RAD18: variants seen among roughly 807,000 people sequenced by gnomAD.
RAD18 encodes E3 ubiquitin-protein ligase RAD18.
A neutral mutation model predicts 60.4 loss-of-function variants in RAD18; 47 were observed. That is an observed-to-expected ratio of 0.78 (90% CI 0.62 to 0.99). The LOEUF is 0.99. RAD18 is among the 50% of genes least tolerant of loss of function. The pLI is 0.00. For missense variants in RAD18, 640 were observed against 593.3 expected, an observed-to-expected ratio of 1.08 and a Z score of -0.82; for synonymous variants, 225 against 195.5, an observed-to-expected ratio of 1.15 and a Z score of -1.26.
At position 8,941,508 on chromosome 3, in the gene RAD18, G is replaced by A; in HGVS notation, c.563C>T (p.Pro188Leu). Reference protein sequence around the residue: ...IAPDPSEAKRPEPPSTSTLKQ... With the variant: ...IAPDPSEAKRLEPPSTSTLKQ... ...CAAAGTGGATGTCGAGGGTGGCTCA[G>A]GACGCTTAGCCTCTGAGGGATCTGG... The change falls in exon 5 of 13, where the codon CCT becomes CTT. Residue 188 changes from proline (P) to leucine (L), a missense_variant. Physicochemically the swap from Pro to Leu is moderately conservative, Grantham distance 98. Coordinates refer to ENST00000264926, the MANE Select transcript of RAD18 (RefSeq NM_020165.4). 3.1e-6 allele frequency: 5 copies of A among 1,613,662 alleles called. No homozygotes were observed. Among genetic ancestry groups the A allele is most frequent in the Non-Finnish European group, 4.2e-6 (5 of 1,179,758 alleles).
intron 7 of RAD18, among the ~76,000 whole-genome samples, chr3:8,921,077 G>A (rs673580): frequency 0.69 from 104,607 of 152,028 alleles, 36,569 homozygotes; most frequent in Middle Eastern, 0.77. Context: ...TTATTTTCAG[G>A]CAGTTAAAGA....
chr3:8,938,260 T>C (rs975047876), intron 6 of RAD18, among the ~76,000 whole-genome samples: 1 of 152,210 alleles, frequency 6.6e-6, no homozygotes, highest in African/African-American at 2.4e-5. Flanking sequence ...GACTCAAGTA[T>C]GTCTACCTTA....
At chr3:8,943,475 G>C (rs563584612) in intron 4 of RAD18, among the ~76,000 whole-genome samples, 31 of 151,954 alleles carry the variant, frequency 2.0e-4, no homozygotes, top group African/African-American at 7.2e-4. Context: ...CAAACTTGAA[G>C]GCAGGTCAAT....
intron 2 of RAD18, among the ~76,000 whole-genome samples, chr3:8,957,528 A>C (rs1462380839): frequency 6.6e-6 from 1 of 152,198 alleles, no homozygotes; most frequent in Non-Finnish European, 1.5e-5. Flanking sequence ...TATTTACTGC[A>C]ATAGGGGTTA....
chr3:8,936,794 C>T (rs1296421661), intron 6 of RAD18, among the ~76,000 whole-genome samples: 2 of 152,180 alleles, frequency 1.3e-5, no homozygotes, highest in Non-Finnish European at 2.9e-5. Flanking sequence ...ATTTAAAACG[C>T]AGATTCTCCA....
chr3:8,932,433 A>C (rs900991284), intron 7 of RAD18, among the ~76,000 whole-genome samples: 1 of 152,222 alleles, frequency 6.6e-6, no homozygotes, highest in Non-Finnish European at 1.5e-5. Context: ...AGTCACAGGA[A>C]AATGCAAATT....
chr3:8,930,612 T>C (rs1189237135), intron 7 of RAD18, among the ~76,000 whole-genome samples: 1 of 152,106 alleles, frequency 6.6e-6, no homozygotes, highest in Non-Finnish European at 1.5e-5. Context: ...ATAAATCATA[T>C]CACAAAATAA....
Position 8,948,498 on chromosome 3 carries a change from CA to C in RAD18, c.195+10del. On this transcript the variant is annotated intron_variant, in intron 3 of 12. Transcript: ENST00000264926. ...GTCAGTAAGTTTTAAAAAAAGGAAA[CA>C]AAAACTCACCACACAGCAAGTTGGA... 6.2e-7 allele frequency: 1 copy of C among 1,607,420 alleles called. No individual in the cohort carries two copies. Among genetic ancestry groups the C allele is most frequent in the Non-Finnish European group, 8.5e-7 (1 of 1,175,216 alleles).
chr3:8,918,641 G>A (rs976657056), intron 7 of RAD18, among the ~76,000 whole-genome samples: 1 of 152,044 alleles, frequency 6.6e-6, no homozygotes, highest in East Asian at 1.9e-4. Context: ...CTATGCTCTG[G>A]AGAAGTCCAG....
At chr3:8,945,376 C>T (rs1375329318) in intron 4 of RAD18, among the ~76,000 whole-genome samples, 1 of 151,434 alleles carries the variant, frequency 6.6e-6, no homozygotes, top group Non-Finnish European at 1.5e-5. Flanking sequence ...TTTCATTAGA[C>T]GATAATGGAG....
chr3:8,885,750 G>A (rs1939550375), intron 12 of RAD18, among the ~76,000 whole-genome samples: 1 of 152,198 alleles, frequency 6.6e-6, no homozygotes, highest in African/African-American at 2.4e-5. Flanking sequence ...CATAAAGGGG[G>A]ATCCTAATGC....
chr3:8,909,569 T>C (rs1220951343), intron 9 of RAD18, among the ~76,000 whole-genome samples: 2 of 151,476 alleles, frequency 1.3e-5, no homozygotes, highest in Non-Finnish European at 2.9e-5. Context: ...GGCAAGCTAG[T>C]TATTAGCAAC....
At chr3:8,922,320 C>G (rs551114169) in intron 7 of RAD18, among the ~76,000 whole-genome samples, 3 of 152,322 alleles carry the variant, frequency 2.0e-5, no homozygotes, top group South Asian at 4.1e-4. Flanking sequence ...GGTCCTACGC[C>G]CACAGAGCCT....
chr3:8,921,242 T>C (rs746063188), intron 7 of RAD18, among the ~76,000 whole-genome samples: 2 of 152,214 alleles, frequency 1.3e-5, no homozygotes, highest in Non-Finnish European at 2.9e-5. Context: ...ATGATAGTCT[T>C]TCAACTTTCC....
intron 11 of RAD18, among the ~76,000 whole-genome samples, chr3:8,891,178 G>A (rs957217516): frequency 7.9e-5 from 12 of 151,926 alleles, no homozygotes; most frequent in Non-Finnish European, 1.3e-4. Flanking sequence ...CTTTGGGGGT[G>A]ATACTGCTCC....
At position 8,910,613 on chromosome 3, in the gene RAD18, A is replaced by C. The variant is rs539274095; in HGVS notation, c.1027+1699T>G. On this transcript the variant is annotated intron_variant, in intron 9 of 12. Coordinates refer to ENST00000264926, the MANE Select transcript of RAD18 (RefSeq NM_020165.4). The stretch of plus-strand genomic sequence containing the variant: ...GAGCCTCCATCTCAAAAAAAAAAAA[A>C]AGAACAACAGAATGTTTTGATGAAA... 3.9e-5 allele frequency among the ~76,000 whole-genome samples: 6 copies of C among 152,260 alleles called. No homozygotes were observed. The South Asian group carries it at 1.2e-3, about 32-fold the overall frequency.
At chr3:8,924,331 G>C (rs1040521645) in intron 7 of RAD18, among the ~76,000 whole-genome samples, 3 of 148,504 alleles carry the variant, frequency 2.0e-5, no homozygotes, top group African/African-American at 7.5e-5. Context: ...TTACATAATG[G>C]TAAAGGGATC....
At chr3:8,950,915 T>C (rs1377468667) in intron 2 of RAD18, among the ~76,000 whole-genome samples, 1 of 152,020 alleles carries the variant, frequency 6.6e-6, no homozygotes, top group Non-Finnish European at 1.5e-5. Flanking sequence ...TGAACACGGC[T>C]GAGGAATCTC....
At position 8,877,916 on chromosome 3, in the gene RAD18, A is replaced by G. The variant is rs1939391680; in HGVS notation, c.*3441T>C. The G allele has an allele frequency of 6.6e-6, 1 of 152,258 alleles. No homozygotes were observed. The highest frequency in any genetic ancestry group is 2.4e-5 in the African/African-American group (1 of 41,434). The allele number at this position is 152,258 out of a possible 1,614,324, so 9.4% of individuals were successfully genotyped here. On this transcript the variant is annotated 3_prime_UTR_variant, in exon 13 of 13. Transcript: ENST00000264926. ...CACAGGACGCTGTGGTCCGGGTGAT[A>G]GTACACTAGCAAACCAGGAAAGCAC...
Sources: allele counts gnomAD v4.1 joint callset (sites outside exome capture counted in the v4.1 genomes callset), GRCh38; gene constraint gnomAD v4.1.1; transcripts MANE v1.5; gene names NCBI Gene and HGNC (gene_info 2026-07-23, HGNC 2026-07-21).